The following CCDC3 variants were observed in gnomAD, a reference collection of about 807,000 sequenced individuals.
The protein encoded by CCDC3 is coiled-coil domain-containing protein 3.
A neutral mutation model predicts 21.4 loss-of-function variants in CCDC3; 24 were observed. The ratio of observed to expected loss-of-function variants is 1.12; its 90% CI spans 0.81 to 1.58. The LOEUF is 1.58. Ranked by LOEUF, CCDC3 falls within the 40% of genes most tolerant of loss-of-function variation. The pLI is 0.00. For missense variants in CCDC3, 425 were observed against 360.9 expected, an observed-to-expected ratio of 1.18 and a Z score of -1.44; for synonymous variants, 186 against 166.0, an observed-to-expected ratio of 1.12 and a Z score of -0.93.
chr10:13,003,073 G>A (rs189187147), upstream of CCDC3, among the ~76,000 whole-genome samples: 155 of 152,310 alleles, frequency 1.0e-3, no homozygotes, highest in Admixed American at 1.6e-3. Flanking sequence ...TTTGGAGGTG[G>A]GAGGGGAGAC....
chr10:12,910,879 G>T (rs1309124983), intron 2 of CCDC3, among the ~76,000 whole-genome samples: 1 of 152,180 alleles, frequency 6.6e-6, no homozygotes, highest in East Asian at 1.9e-4. Context: ...ATGGGTGTGA[G>T]CCACAGAGCC....
chr10:12,986,077 A>T (rs577217033), intron 2 of CCDC3, among the ~76,000 whole-genome samples: 1 of 152,344 alleles, frequency 6.6e-6, no homozygotes, highest in Non-Finnish European at 1.5e-5. Flanking sequence ...ACAGGATTAC[A>T]GGCGTGAGCC....
chr10:13,079,790 G>C (rs529651548), intron 3 of CCDC3, among the ~76,000 whole-genome samples: 6 of 152,218 alleles, frequency 3.9e-5, no homozygotes, highest in Admixed American at 6.5e-5. Flanking sequence ...CTAGGGAAAG[G>C]GGGAGGAGAA....
chr10:13,040,187 G>A (rs1836433655), intron 5 of CCDC3, among the ~76,000 whole-genome samples: 1 of 152,104 alleles, frequency 6.6e-6, no homozygotes, highest in African/African-American at 2.4e-5. Flanking sequence ...GAATTAGGAT[G>A]GAGGGTACCA....
At chr10:12,953,733 A>C (rs1835043040) in intron 2 of CCDC3, among the ~76,000 whole-genome samples, 1 of 152,258 alleles carries the variant, frequency 6.6e-6, no homozygotes, top group African/African-American at 2.4e-5. Context: ...ACTCGGCCCC[A>C]GGCAATGCTC....
chr10:13,011,631 C>T (rs1835985169), intron 5 of CCDC3, among the ~76,000 whole-genome samples: 1 of 152,092 alleles, frequency 6.6e-6, no homozygotes, highest in Admixed American at 6.5e-5. Context: ...ATGCCCAAAG[C>T]AATTTATAGA....
intron 2 of CCDC3, among the ~76,000 whole-genome samples, chr10:12,922,318 C>T (rs1834465071): frequency 6.6e-6 from 1 of 151,950 alleles, no homozygotes; most frequent in Non-Finnish European, 1.5e-5. Flanking sequence ...TGGGAGCTCC[C>T]ATCTGTGCCA....
intron 2 of CCDC3, among the ~76,000 whole-genome samples, chr10:12,902,559 T>G (rs896212831): frequency 6.6e-6 from 1 of 152,014 alleles, no homozygotes; most frequent in Non-Finnish European, 1.5e-5. Context: ...AGGATTGGGG[T>G]TTTGGAAGAC....
intron 4 of CCDC3, among the ~76,000 whole-genome samples, chr10:13,062,167 G>C (rs1037474097): frequency 2.0e-5 from 3 of 146,596 alleles, no homozygotes; most frequent in African/African-American, 7.7e-5. Flanking sequence ...TGACTCCCCA[G>C]ACCCCTTAGA....
In CCDC3 at chr10:12,988,980, C is replaced by T. The variant is rs530232610; in HGVS notation, c.549+9358G>A. Among the ~76,000 whole-genome samples, 7 of 152,270 alleles carry T rather than the reference C, an allele frequency of 4.6e-5. 1 individual carries two copies. In the South Asian group the frequency reaches 6.2e-4, roughly 14 times the overall value. ...TTCACCTAGAAAGCAGGGAGTAGCACGATTATAAATAGCTCAAAAGCTTTC... is the reference window on the plus strand; with the variant it reads ...TTCACCTAGAAAGCAGGGAGTAGCATGATTATAAATAGCTCAAAAGCTTTC... On this transcript the variant is annotated intron_variant, in intron 2 of 2. Coordinates refer to ENST00000378825, the MANE Select transcript of CCDC3 (RefSeq NM_031455.4).
intron 4 of CCDC3, among the ~76,000 whole-genome samples, chr10:13,054,287 G>T (rs971969026): frequency 6.6e-6 from 1 of 151,888 alleles, no homozygotes; most frequent in African/African-American, 2.4e-5. Flanking sequence ...GGCTGCCTTT[G>T]TACTTGAGCT....
At chr10:12,974,326 C>T (rs886668818) in intron 2 of CCDC3, among the ~76,000 whole-genome samples, 8 of 152,204 alleles carry the variant, frequency 5.3e-5, no homozygotes, top group African/African-American at 1.7e-4. Flanking sequence ...AGAGCATAGG[C>T]ACGGGGCAGC....
intron 2 of CCDC3, among the ~76,000 whole-genome samples, chr10:12,972,162 G>A (rs1835353088): frequency 6.6e-6 from 1 of 151,986 alleles, no homozygotes; most frequent in African/African-American, 2.4e-5. Context: ...ATCCAACCAA[G>A]CTCACGCACC....
At chr10:12,988,624 A>G (rs1835634616) in intron 2 of CCDC3, among the ~76,000 whole-genome samples, 1 of 152,146 alleles carries the variant, frequency 6.6e-6, no homozygotes, top group Non-Finnish European at 1.5e-5. Context: ...GATTACAGGC[A>G]TGAGCCACCG....
chr10:13,096,757 C>G (rs1406318781), intron 3 of CCDC3, among the ~76,000 whole-genome samples: 1 of 152,156 alleles, frequency 6.6e-6, no homozygotes, highest in Non-Finnish European at 1.5e-5. Context: ...AGGTGCATCC[C>G]AAGAGCTTGC....
chr10:12,968,162 T>C (rs1186586942), intron 2 of CCDC3, among the ~76,000 whole-genome samples: 1 of 118,346 alleles, frequency 8.4e-6, no homozygotes, highest in Non-Finnish European at 1.9e-5. Flanking sequence ...GAGCGAGACT[T>C]CACCTCAGAA....
chr10:12,983,622 C>T (rs1383773524), intron 2 of CCDC3, among the ~76,000 whole-genome samples: 1 of 147,254 alleles, frequency 6.8e-6, no homozygotes, highest in Middle Eastern at 3.5e-3. Context: ...TTTCAACATA[C>T]TACAAAGGGA....
rs572229696 is a variant in CCDC3 at position 13,076,746 on chromosome 10, T to TAG, written c.-502-2647_-502-2646insCT. ...TTCCTTATTTGGGAATGTTATTACTTTTCTAAGTCCTTTAGTAAGCAACTT... is the reference window on the plus strand; with the variant it reads ...TTCCTTATTTGGGAATGTTATTACTTAGTTCTAAGTCCTTTAGTAAGCAACTT... On this transcript the variant is annotated intron_variant, in intron 3 of 6. Transcript: ENST00000378839. 1.2e-4 allele frequency among the ~76,000 whole-genome samples: 18 copies of TAG among 152,332 alleles called. No individual in the cohort carries two copies. In the East Asian group the frequency reaches 3.5e-3, roughly 29 times the overall value.
intron 2 of CCDC3, among the ~76,000 whole-genome samples, chr10:12,918,317 T>G (rs962009843): frequency 1.3e-5 from 2 of 152,230 alleles, no homozygotes; most frequent in Non-Finnish European, 2.9e-5. Context: ...TACAGAAGGA[T>G]TCTATAAAGA....
Sources: allele counts gnomAD v4.1 joint callset (sites outside exome capture counted in the v4.1 genomes callset), GRCh38; gene constraint gnomAD v4.1.1; transcripts MANE v1.5; gene names NCBI Gene and HGNC (gene_info 2026-07-23, HGNC 2026-07-21).